Variants in KCNU1 observed in about 807,000 individuals in gnomAD.
The protein encoded by KCNU1 is potassium calcium-activated channel subfamily U member 1.
A neutral mutation model predicts 126.8 loss-of-function variants in KCNU1; 93 were observed. The observed-to-expected ratio is 0.73, with a 90% CI of 0.62 to 0.87. The LOEUF is 0.87. KCNU1 is among the 40% of genes least tolerant of loss of function. The pLI is 0.00. For synonymous variants in KCNU1, 523 were observed against 494.2 expected, an observed-to-expected ratio of 1.06 and a Z score of -0.77; for missense variants, 1,330 against 1,367.1, an observed-to-expected ratio of 0.97 and a Z score of 0.43.
intron 19 of KCNU1, among the ~76,000 whole-genome samples, chr8:36,891,652 A>G (rs1806967464): frequency 6.6e-6 from 1 of 152,130 alleles, no homozygotes; most frequent in Non-Finnish European, 1.5e-5. Context: ...AAAGTTTGCA[A>G]ACAACAATTC....
chr8:36,833,218 AG>A (rs1804619359), intron 10 of KCNU1, among the ~76,000 whole-genome samples: 1 of 152,144 alleles, frequency 6.6e-6, no homozygotes, highest in African/African-American at 2.4e-5. Flanking sequence ...TAGTTTAAAA[AG>A]ATATGTCAAA....
At chr8:36,924,905 A>G (rs1314462319) in intron 24 of KCNU1, among the ~76,000 whole-genome samples, 3 of 152,300 alleles carry the variant, frequency 2.0e-5, no homozygotes, top group Middle Eastern at 3.4e-3. Flanking sequence ...ATAGAGCCAC[A>G]GATTTTATTT....
At chr8:36,892,642 A>G (rs967776811) in intron 19 of KCNU1, among the ~76,000 whole-genome samples, 5 of 151,772 alleles carry the variant, frequency 3.3e-5, no homozygotes, top group Admixed American at 6.6e-5. Flanking sequence ...TTAAATCTCT[A>G]CTCAGCTTTA....
chr8:36,788,128 A>G (rs1251447504), intron 2 of KCNU1, among the ~76,000 whole-genome samples: 1 of 152,006 alleles, frequency 6.6e-6, no homozygotes, highest in South Asian at 2.1e-4. Flanking sequence ...GTGTCCCTCT[A>G]TGATATTTAT....
chr8:36,819,093 A>AT (rs1230114236), intron 10 of KCNU1, among the ~76,000 whole-genome samples: 5 of 152,112 alleles, frequency 3.3e-5, no homozygotes, highest in Admixed American at 6.5e-5. Flanking sequence ...TAATGAACAA[A>AT]TTTTTTTTAA....
chr8:36,877,924 C>G (rs1806331898), intron 19 of KCNU1, among the ~76,000 whole-genome samples: 1 of 152,142 alleles, frequency 6.6e-6, no homozygotes, highest in Admixed American at 6.5e-5. Context: ...TACTTCTTAT[C>G]TGCCTTGGTC....
At chr8:36,900,705 T>C (rs1225297246) in intron 19 of KCNU1, among the ~76,000 whole-genome samples, 1 of 152,088 alleles carries the variant, frequency 6.6e-6, no homozygotes, top group Non-Finnish European at 1.5e-5. Flanking sequence ...GCCTTTGATA[T>C]ACAAAAATCT....
chr8:36,917,276 C>A lies in KCNU1; in HGVS notation c.2522-1547C>A, dbSNP rs1808149267. 2.0e-5 allele frequency among the ~76,000 whole-genome samples: 3 copies of A among 152,074 alleles called. No homozygotes were observed. The South Asian group carries it at 6.2e-4, about 32-fold the overall frequency. The stretch of plus-strand genomic sequence containing the variant: ...AGAAAGTAAACAACAGTTGTAAGCA[C>A]AACTTACAATGCCATTATGGTGTGT... On this transcript the variant is annotated intron_variant, in intron 22 of 26. Coordinates refer to ENST00000399881, the MANE Select transcript of KCNU1 (RefSeq NM_001031836.3).
intron 19 of KCNU1, among the ~76,000 whole-genome samples, chr8:36,899,088 G>A (rs563418789): frequency 7.1e-4 from 108 of 152,188 alleles, no homozygotes; most frequent in Non-Finnish European, 1.3e-3. Flanking sequence ...TATACTCAGA[G>A]ATGCCTATAC....
At chr8:36,785,296 A>G (rs887231172) in intron 1 of KCNU1, among the ~76,000 whole-genome samples, 2 of 152,222 alleles carry the variant, frequency 1.3e-5, no homozygotes, top group African/African-American at 4.8e-5. Flanking sequence ...TGGATGTTCT[A>G]TTACCAGAGG....
rs555013785 is a variant in KCNU1, at chr8:36,861,669, A to G, written c.1892-2735A>G. 1.8e-4 allele frequency among the ~76,000 whole-genome samples: 27 copies of G among 152,272 alleles called. No homozygotes were observed. In the East Asian group the frequency reaches 4.4e-3, roughly 25 times the overall value. ...AGTACTATATTTTATAAATAATTGC[A>G]ACAATTTAGCTATTTAGTAAATTGG... On this transcript the variant is annotated intron_variant, in intron 18 of 26. Coordinates refer to ENST00000399881, the MANE Select transcript of KCNU1 (RefSeq NM_001031836.3).
At chr8:36,851,072 A>G (rs1259594272) in intron 18 of KCNU1, among the ~76,000 whole-genome samples, 1 of 152,154 alleles carries the variant, frequency 6.6e-6, no homozygotes, top group Non-Finnish European at 1.5e-5. Flanking sequence ...GGATTTCTGC[A>G]TTTCCATGTG....
chr8:36,843,724 T>C (rs1296258098), intron 16 of KCNU1, among the ~76,000 whole-genome samples: 7 of 152,320 alleles, frequency 4.6e-5, no homozygotes, highest in Admixed American at 6.5e-5. Context: ...AAAAAGCCTA[T>C]CTTTTCTCAC....
chr8:36,907,134 G>A (rs1807663198), intron 20 of KCNU1, among the ~76,000 whole-genome samples: 1 of 152,104 alleles, frequency 6.6e-6, no homozygotes, highest in South Asian at 2.1e-4. Flanking sequence ...CTTTAAAATT[G>A]CTAAGGAATT....
At chr8:36,789,573 G>C (rs1191332584) in intron 2 of KCNU1, among the ~76,000 whole-genome samples, 6 of 152,124 alleles carry the variant, frequency 3.9e-5, no homozygotes, top group Admixed American at 6.5e-5. Context: ...GTTCAAGCAA[G>C]AGACTTGCAT....
At chr8:36,873,059 A>G (rs1172139616) in intron 19 of KCNU1, among the ~76,000 whole-genome samples, 3 of 152,188 alleles carry the variant, frequency 2.0e-5, no homozygotes, top group African/African-American at 7.2e-5. Flanking sequence ...AGCCTGGGCA[A>G]CAAGAGCGAA....
At position 36,845,585 on chromosome 8, in the gene KCNU1, T is replaced by G; in HGVS notation, c.1709T>G (p.Leu570Arg). The G allele has an allele frequency of 6.3e-7, 1 of 1,597,790 alleles. No homozygotes were observed. Among genetic ancestry groups the G allele is most frequent in the East Asian group, 2.2e-5 (1 of 44,756 alleles). ...TGTTTATTTTTTGTTTCCAGTGGTC[T>G]GATACTAAATCCACCTCCACAAGTG... ...KSLFTDGFCG[L>R]ILNPPPQVRI... Residue 570 changes from leucine to arginine, a missense_variant, in exon 17 of 27, where the codon CTG (leucine) becomes CGG (arginine). This residue lies in a region of KCNU1 where 1,054 missense variants were observed against 1,053.9 expected (regional missense o/e 1.00). Transcript: ENST00000399881.
chr8:36,788,696 T>C (rs1422629362), intron 2 of KCNU1, among the ~76,000 whole-genome samples: 1 of 152,234 alleles, frequency 6.6e-6, no homozygotes, highest in Non-Finnish European at 1.5e-5. Context: ...TTTTTCTGTC[T>C]TCCGAAGTTT....
Position 36,908,032 on chromosome 8 carries a change from G to A in KCNU1, c.2107-1279G>A, listed in dbSNP as rs117352413. ...AGAAATTGAGAACCAGAGAGGTTAA[G>A]TAATTTGCTCAGTCATATAGCTAAC... On this transcript the variant is annotated intron_variant, in intron 20 of 26. Transcript: ENST00000399881. Among the ~76,000 whole-genome samples, 823 of 152,136 alleles carry A rather than the reference G, an allele frequency of 5.4e-3. 3 individuals carry two copies. Among genetic ancestry groups the A allele is most frequent in the Non-Finnish European group, 8.3e-3 (566 of 67,980 alleles).
Sources: allele counts gnomAD v4.1 joint callset (sites outside exome capture counted in the v4.1 genomes callset), GRCh38; gene constraint gnomAD v4.1.1; regional missense constraint gnomAD v4.1.1; transcripts MANE v1.5; gene names NCBI Gene and HGNC (gene_info 2026-07-23, HGNC 2026-07-21).